Variants in CCBE1 observed in about 807,000 individuals in gnomAD.
The protein encoded by CCBE1 is collagen and calcium binding EGF domains 1.
A neutral mutation model predicts 50.0 loss-of-function variants in CCBE1; 37 were observed. That is an observed-to-expected ratio of 0.74 (90% confidence interval 0.57 to 0.97). The LOEUF (loss-of-function observed/expected upper bound fraction) is 0.97, where lower values mean the gene tolerates loss of function less well. CCBE1 is among the 50% of genes least tolerant of loss of function. The pLI is 0.00. For missense variants in CCBE1, 538 were observed against 523.8 expected, an observed-to-expected ratio of 1.03 and a Z score of -0.26; for synonymous variants, 234 against 203.7, an observed-to-expected ratio of 1.15 and a Z score of -1.27.
At chr18:59,472,251 C>G (rs1255201317) in intron 3 of CCBE1, among the ~76,000 whole-genome samples, 2 of 152,340 alleles carry the variant, frequency 1.3e-5, no homozygotes, top group Middle Eastern at 3.4e-3. Context: ...AGTATCTTCT[C>G]TTTGTTTCCC....
At chr18:59,630,361 A>C (rs1011284320) in intron 2 of CCBE1, among the ~76,000 whole-genome samples, 6 of 152,304 alleles carry the variant, frequency 3.9e-5, no homozygotes, top group Admixed American at 3.9e-4. Flanking sequence ...GTAATTAGAA[A>C]TGTATTTGGT....
intron 2 of CCBE1, among the ~76,000 whole-genome samples, chr18:59,661,030 C>T (rs9951045): frequency 0.42 from 62,926 of 151,408 alleles, 14,343 homozygotes; most frequent in African/African-American, 0.61. Context: ...TTTTAAAATA[C>T]GTATTTTTTT....
intron 2 of CCBE1, among the ~76,000 whole-genome samples, chr18:59,645,865 G>A (rs149171922): frequency 2.6e-4 from 39 of 152,058 alleles, no homozygotes; most frequent in African/African-American, 9.2e-4. Context: ...CCCCGTCTCT[G>A]CTAAAAATAC....
chr18:59,642,121 A>C (rs1315267256), intron 2 of CCBE1, among the ~76,000 whole-genome samples: 1 of 152,234 alleles, frequency 6.6e-6, no homozygotes, highest in Non-Finnish European at 1.5e-5. Context: ...AACCTGACAA[A>C]GTATTAGTAT....
chr18:59,622,960 T>C (rs2144609859), intron 2 of CCBE1, among the ~76,000 whole-genome samples: 1 of 152,218 alleles, frequency 6.6e-6, no homozygotes, highest in African/African-American at 2.4e-5. Context: ...GATACATTTA[T>C]CTAAACCCAC....
At chr18:59,687,276 C>A (rs1281427173) in intron 2 of CCBE1, among the ~76,000 whole-genome samples, 1 of 152,212 alleles carries the variant, frequency 6.6e-6, no homozygotes, top group African/African-American at 2.4e-5. Context: ...TTACATTTGT[C>A]TATCTATGCA....
chr18:59,644,850 CT>C (rs1039530445), intron 2 of CCBE1, among the ~76,000 whole-genome samples: 1 of 152,172 alleles, frequency 6.6e-6, no homozygotes, highest in African/African-American at 2.4e-5. Context: ...CAAATTGAAT[CT>C]CAAATAAAAG....
intron 2 of CCBE1, among the ~76,000 whole-genome samples, chr18:59,606,017 A>G (rs932935790): frequency 6.6e-6 from 1 of 152,174 alleles, no homozygotes; most frequent in African/African-American, 2.4e-5. Flanking sequence ...CACTGCTCTC[A>G]AGCAACCACG....
chr18:59,511,540 T>C (rs888943821), intron 2 of CCBE1, among the ~76,000 whole-genome samples: 2 of 152,220 alleles, frequency 1.3e-5, no homozygotes, highest in African/African-American at 4.8e-5. Flanking sequence ...CTTACATTCA[T>C]ATAATGTGTA....
At chr18:59,618,267 C>T (rs1253002948) in intron 2 of CCBE1, among the ~76,000 whole-genome samples, 1 of 151,902 alleles carries the variant, frequency 6.6e-6, no homozygotes, top group Non-Finnish European at 1.5e-5. Flanking sequence ...TGGGAAACAT[C>T]AGGAGACCCA....
intron 2 of CCBE1, among the ~76,000 whole-genome samples, chr18:59,510,588 A>AT: frequency 6.6e-6 from 1 of 151,908 alleles, no homozygotes; most frequent in South Asian, 2.1e-4. Context: ...CACCCAGCTA[A>AT]TTTTTGTATT....
Position 59,454,833 on chromosome 18 carries a change from C to T in CCBE1, c.654+18G>A. 6.2e-7 allele frequency: 1 copy of T among 1,608,090 alleles called. No individual in the cohort carries two copies. Among genetic ancestry groups the T allele is most frequent in the Non-Finnish European group, 8.5e-7 (1 of 1,174,492 alleles). On this transcript the variant is annotated intron_variant, in intron 6 of 10. Transcript: ENST00000439986. ...TCCTTCCATCAGGCATCATCGTTCC[C>T]ACCCCAGCGGCACGTACCTTTTGCT...
intron 2 of CCBE1, among the ~76,000 whole-genome samples, chr18:59,531,888 T>C (rs1335449045): frequency 3.3e-5 from 5 of 152,306 alleles, no homozygotes; most frequent in African/African-American, 9.6e-5. Context: ...GCATCAACTA[T>C]TGTGAAGATC....
At chr18:59,547,542 A>G (rs1915754498) in intron 2 of CCBE1, among the ~76,000 whole-genome samples, 1 of 152,198 alleles carries the variant, frequency 6.6e-6, no homozygotes, top group Non-Finnish European at 1.5e-5. Flanking sequence ...AATTTAAATT[A>G]GCACAAAAAA....
intron 2 of CCBE1, among the ~76,000 whole-genome samples, chr18:59,632,438 T>A (rs2053861509): frequency 6.6e-6 from 1 of 152,084 alleles, no homozygotes; most frequent in Non-Finnish European, 1.5e-5. Context: ...CATGCCTGGC[T>A]AATTTTTGTA....
At chr18:59,644,283 C>G (rs1485150124) in intron 2 of CCBE1, among the ~76,000 whole-genome samples, 2 of 152,206 alleles carry the variant, frequency 1.3e-5, no homozygotes, top group African/African-American at 4.8e-5. Flanking sequence ...TGCCACTCAG[C>G]TCCTGCTGTG....
intron 10 of CCBE1, 122 bp downstream of exon 10, chr18:59,437,989 C>G: frequency 1.2e-6 from 1 of 824,512 alleles, no homozygotes; most frequent in Non-Finnish European, 2.1e-6. Flanking sequence ...GAGTTCTGTT[C>G]AGGTGGGCTG....
chr18:59,486,273 T>C (rs1281573429), intron 2 of CCBE1, among the ~76,000 whole-genome samples: 1 of 152,178 alleles, frequency 6.6e-6, no homozygotes, highest in Non-Finnish European at 1.5e-5. Context: ...AACAAGCAAA[T>C]GGCAAAAGCA....
At position 59,508,741 on chromosome 18, in the gene CCBE1, G is replaced by A. The variant is rs537568765; in HGVS notation, c.213-28503C>T. On this transcript the variant is annotated intron_variant, in intron 2 of 10. Transcript: ENST00000439986. The stretch of plus-strand genomic sequence containing the variant: ...TTTTTTTTTTTTTTTTTTGAGGCAG[G>A]GTCTTACTCTGTTTCCCAAGGCTGA... Among the ~76,000 whole-genome samples, 500 of 119,224 alleles carry A rather than the reference G, an allele frequency of 4.2e-3. 2 individuals carry two copies. Among genetic ancestry groups the A allele is most frequent in the African/African-American group, 0.017 (461 of 27,194 alleles). 78.2% of individuals were successfully genotyped at this position (119,224 alleles called of 152,430 possible). A position where few individuals can be genotyped will look rare whatever the true frequency, so the allele number is the denominator to read the frequency against.
Sources: allele counts gnomAD v4.1 joint callset (sites outside exome capture counted in the v4.1 genomes callset), GRCh38; gene constraint gnomAD v4.1.1; transcripts MANE v1.5; gene names NCBI Gene and HGNC (gene_info 2026-07-23, HGNC 2026-07-21).